CHST9: variants seen among roughly 807,000 people sequenced by gnomAD.
CHST9 encodes the protein carbohydrate sulfotransferase 9, also known as GalNAc-4-sulfotransferase 2.
In CHST9, 41 loss-of-function variants were observed where a neutral mutation model predicts 44.4. The observed-to-expected ratio is 0.92, with a 90% CI of 0.72 to 1.20. The LOEUF is 1.20. Ranked by LOEUF, CHST9 falls within the 50% of genes most tolerant of loss-of-function variation. CHST9 has a pLI of 0.00. For missense variants in CHST9, 504 were observed against 516.5 expected, an observed-to-expected ratio of 0.98 and a Z score of 0.23; for synonymous variants, 171 against 178.4, an observed-to-expected ratio of 0.96 and a Z score of 0.33.
At chr18:26,958,075 G>A (rs892983961) in intron 4 of CHST9, among the ~76,000 whole-genome samples, 1 of 114,120 alleles carries the variant, frequency 8.8e-6, no homozygotes, top group Admixed American at 8.9e-5. Flanking sequence ...TAGTAGACAT[G>A]GGGTTTCTCC....
chr18:26,962,767 C>T (rs577151049), intron 4 of CHST9, among the ~76,000 whole-genome samples: 1 of 152,212 alleles, frequency 6.6e-6, no homozygotes, highest in Admixed American at 6.5e-5. Context: ...GTTTGCTTAT[C>T]ACCTGGGTAT....
At chr18:27,100,034 T>TAC (rs2058155872) in intron 2 of CHST9, among the ~76,000 whole-genome samples, 1 of 103,132 alleles carries the variant, frequency 9.7e-6, no homozygotes. Flanking sequence ...TATATATATA[T>TAC]ACACACACAC....
At chr18:27,151,608 TCA>T (rs2058659952) in intron 1 of CHST9, among the ~76,000 whole-genome samples, 1 of 152,152 alleles carries the variant, frequency 6.6e-6, no homozygotes, top group Admixed American at 6.6e-5. Flanking sequence ...CCCCATGTAA[TCA>T]CAGAGTCTTG....
chr18:27,164,382 G>C (rs2058773787), intron 1 of CHST9, among the ~76,000 whole-genome samples: 1 of 150,054 alleles, frequency 6.7e-6, no homozygotes, highest in Non-Finnish European at 1.5e-5. Flanking sequence ...ATATGAGTTG[G>C]AAGATAAGTT....
chr18:27,067,642 T>C lies in CHST9; in HGVS notation c.122-19139A>G, dbSNP rs543457597. Among the ~76,000 whole-genome samples, 361 of 152,242 alleles carry C rather than the reference T, an allele frequency of 2.4e-3. 1 individual carries two copies. Among genetic ancestry groups the C allele is most frequent in the Non-Finnish European group, 4.0e-3 (275 of 68,010 alleles). The stretch of plus-strand genomic sequence containing the variant: ...TTCTGCTCTCGTATCTTCACTTTTC[T>C]ATGGGCCCATATGTACTCTTGCGTA... On this transcript the variant is annotated intron_variant, in intron 2 of 5. Transcript: ENST00000618847.
chr18:27,162,222 G>A (rs1433583198), intron 1 of CHST9, among the ~76,000 whole-genome samples: 1 of 152,118 alleles, frequency 6.6e-6, no homozygotes, highest in Non-Finnish European at 1.5e-5. Context: ...TTTACAATTT[G>A]GCATGTTTTT....
At chr18:26,923,417 C>G (rs2145065267) in intron 5 of CHST9, among the ~76,000 whole-genome samples, 1 of 152,316 alleles carries the variant, frequency 6.6e-6, no homozygotes, top group Non-Finnish European at 1.5e-5. Context: ...ATATAACCCC[C>G]ACTAGCATCA....
intron 2 of CHST9, among the ~76,000 whole-genome samples, chr18:27,057,973 A>G (rs984395553): frequency 6.6e-6 from 1 of 152,204 alleles, no homozygotes; most frequent in Non-Finnish European, 1.5e-5. Context: ...CAGATTCCCA[A>G]CATTGGTCTG....
chr18:27,056,806 T>A (rs1382712637), intron 2 of CHST9, among the ~76,000 whole-genome samples: 1 of 152,234 alleles, frequency 6.6e-6, no homozygotes, highest in Non-Finnish European at 1.5e-5. Context: ...AGTTTTCTGA[T>A]ATGTTTACAT....
At chr18:26,957,035 T>A (rs1367294019) in intron 4 of CHST9, among the ~76,000 whole-genome samples, 2 of 152,212 alleles carry the variant, frequency 1.3e-5, no homozygotes, top group African/African-American at 4.8e-5. Context: ...AATGAGCTTC[T>A]AAAGTCAGCC....
chr18:27,125,533 T>C (rs1010063412), intron 2 of CHST9, among the ~76,000 whole-genome samples: 2 of 152,174 alleles, frequency 1.3e-5, no homozygotes, highest in Admixed American at 6.5e-5. Context: ...TTTGAACCAT[T>C]TTTCATATTA....
chr18:27,060,791 C>T (rs1353406994), intron 2 of CHST9, among the ~76,000 whole-genome samples: 5 of 152,142 alleles, frequency 3.3e-5, no homozygotes, highest in Admixed American at 6.5e-5. Flanking sequence ...TGGCTAATGA[C>T]ATGTACATTT....
chr18:27,172,261 C>A (rs1410530152), intron 1 of CHST9, among the ~76,000 whole-genome samples: 1 of 152,016 alleles, frequency 6.6e-6, no homozygotes, highest in African/African-American at 2.4e-5. Context: ...ATTCAAACAA[C>A]TTTTAACTTA....
At chr18:27,055,950 G>T (rs1181547775) in intron 2 of CHST9, among the ~76,000 whole-genome samples, 1 of 149,236 alleles carries the variant, frequency 6.7e-6, no homozygotes, top group East Asian at 1.9e-4. Flanking sequence ...GTGTGTGTGT[G>T]TGTGTGTGTG....
At chr18:26,935,394 A>G (rs2055970182) in intron 5 of CHST9, 1 of 152,274 alleles carries the variant, frequency 6.6e-6, no homozygotes, top group Non-Finnish European at 1.5e-5. Flanking sequence ...AACAGAACCA[A>G]AATTGGAAGC....
Position 26,976,353 on chromosome 18 carries a change from C to A in CHST9, c.203-31987G>T, listed in dbSNP as rs934401719. 4.6e-5 allele frequency among the ~76,000 whole-genome samples: 7 copies of A among 152,050 alleles called. No homozygotes were observed. The Admixed American group carries it at 4.6e-4, about 10-fold the overall frequency. ...TTTCACTGAATTTACAGAATTAATT[C>A]TTTTAACTAATTCTGTTCAGATAAA... On this transcript the variant is annotated intron_variant, in intron 4 of 5. Transcript: ENST00000618847.
rs2055454442 is a variant in CHST9 at position 26,912,416 on chromosome 18, CA to C, written c.*3842del. On this transcript the variant is annotated 3_prime_UTR_variant, in exon 6 of 6. Transcript: ENST00000618847. ...ACACACACACACACACACACACAGA[CA>C]CCCATATTTGTATGGAAAAAATTTC... The C allele has an allele frequency of 6.6e-6, 1 of 151,130 alleles. No individual in the cohort carries two copies. Among genetic ancestry groups the C allele is most frequent in the African/African-American group, 2.4e-5 (1 of 40,978 alleles). The allele number at this position is 151,130 out of a possible 1,614,324, so 9.4% of individuals were successfully genotyped here.
chr18:27,059,825 C>T (rs2057700275), intron 2 of CHST9, among the ~76,000 whole-genome samples: 1 of 152,212 alleles, frequency 6.6e-6, no homozygotes, highest in Non-Finnish European at 1.5e-5. Flanking sequence ...TCACACTCAT[C>T]TTTTCCTTCA....
intron 1 of CHST9, among the ~76,000 whole-genome samples, chr18:27,157,205 C>G (rs1275042574): frequency 6.6e-6 from 1 of 151,618 alleles, no homozygotes; most frequent in Non-Finnish European, 1.5e-5. Flanking sequence ...GATTTTTTTC[C>G]TTCATCATAT....
Sources: gnomAD v4.1 joint callset for allele counts (sites outside exome capture counted in the v4.1 genomes callset) on GRCh38, gnomAD v4.1.1 for gene constraint, MANE v1.5 for transcripts, NCBI Gene and HGNC (gene_info 2026-07-23, HGNC 2026-07-21) for gene names.